The following CBLB variants were observed in gnomAD, a reference collection of about 807,000 sequenced individuals.
CBLB encodes the protein Cbl proto-oncogene B.
CBLB carries 31 observed loss-of-function variants against 104.9 expected under a neutral mutation model. The observed-to-expected ratio is 0.30, with a 90% CI of 0.22 to 0.40. The LOEUF is 0.40. CBLB is among the 10% of genes least tolerant of loss of function. The pLI is 1.00. For synonymous variants in CBLB, 440 were observed against 422.6 expected, an observed-to-expected ratio of 1.04 and a Z score of -0.51; for missense variants, 1,062 against 1,214.6, an observed-to-expected ratio of 0.87 and a Z score of 1.87.
intron 13 of CBLB, among the ~76,000 whole-genome samples, chr3:105,691,242 T>C (rs2152751265): frequency 6.6e-6 from 1 of 152,362 alleles, no homozygotes; most frequent in African/African-American, 2.4e-5. Flanking sequence ...CTGCTAACTA[T>C]GGCTGACTTG....
chr3:105,822,255 A>T (rs568757425), intron 3 of CBLB, among the ~76,000 whole-genome samples: 1 of 152,340 alleles, frequency 6.6e-6, no homozygotes, highest in Admixed American at 6.5e-5. Flanking sequence ...CAAGAGGCAT[A>T]GAAAAGCTGC....
intron 3 of CBLB, among the ~76,000 whole-genome samples, chr3:105,780,987 A>AT (rs1303848444): frequency 6.6e-6 from 1 of 152,124 alleles, no homozygotes; most frequent in African/African-American, 2.4e-5. Flanking sequence ...AATACCAAAT[A>AT]TTTTAAAATA....
chr3:105,717,134 C>T (rs1328948940), intron 10 of CBLB, among the ~76,000 whole-genome samples: 4 of 152,128 alleles, frequency 2.6e-5, no homozygotes, highest in Admixed American at 6.5e-5. Flanking sequence ...CCCAAATTCA[C>T]ATAGGGCAGA....
At position 105,767,739 on chromosome 3, in the gene CBLB, T is replaced by C. The variant is rs573198017; in HGVS notation, c.566+8657A>G. On this transcript the variant is annotated intron_variant, in intron 4 of 18. Transcript: ENST00000394030. ...GACACAGTTTTATGTGCCTTACAGGTAAGGTTTAGCTATTTTAAGCCGTCA... is the reference window on the plus strand; with the variant it reads ...GACACAGTTTTATGTGCCTTACAGGCAAGGTTTAGCTATTTTAAGCCGTCA... Among the ~76,000 whole-genome samples, 7 of 152,242 alleles carry C rather than the reference T, an allele frequency of 4.6e-5. No individual in the cohort carries two copies. The East Asian group carries it at 1.3e-3, about 29-fold the overall frequency.
At chr3:105,786,975 G>C (rs1168941764) in intron 3 of CBLB, among the ~76,000 whole-genome samples, 1 of 152,098 alleles carries the variant, frequency 6.6e-6, no homozygotes, top group African/African-American at 2.4e-5. Flanking sequence ...CAGTTCAAGA[G>C]AACACTAATT....
At chr3:105,689,030 T>A (rs553952974) in intron 13 of CBLB, among the ~76,000 whole-genome samples, 9 of 152,148 alleles carry the variant, frequency 5.9e-5, no homozygotes, top group Middle Eastern at 3.4e-3. Flanking sequence ...TTCAGAGAGG[T>A]CTTTCCTAAT....
chr3:105,666,854 G>T (rs1409909478), intron 18 of CBLB, among the ~76,000 whole-genome samples: 1 of 152,142 alleles, frequency 6.6e-6, no homozygotes, highest in African/African-American at 2.4e-5. Context: ...GAAGCTGTCT[G>T]TAAGCCCCAG....
intron 3 of CBLB, among the ~76,000 whole-genome samples, chr3:105,822,732 A>G (rs1313707543): frequency 6.6e-6 from 1 of 152,210 alleles, no homozygotes; most frequent in Non-Finnish European, 1.5e-5. Flanking sequence ...TTTAAAAGCT[A>G]CATTTAATTA....
intron 4 of CBLB, among the ~76,000 whole-genome samples, chr3:105,767,077 T>TA (rs1398184295): frequency 6.6e-6 from 1 of 152,192 alleles, no homozygotes; most frequent in African/African-American, 2.4e-5. Context: ...GACATAAAGA[T>TA]ACCTGAAATT....
intron 3 of CBLB, among the ~76,000 whole-genome samples, chr3:105,789,285 A>C (rs757181366): frequency 1.3e-5 from 2 of 152,198 alleles, no homozygotes; most frequent in Non-Finnish European, 2.9e-5. Context: ...TGAGAATAGA[A>C]ATGAGTGATG....
intron 9 of CBLB, among the ~76,000 whole-genome samples, chr3:105,731,460 C>A (rs1184543450): frequency 6.6e-6 from 1 of 152,002 alleles, no homozygotes; most frequent in African/African-American, 2.4e-5. Context: ...AATGTACTGA[C>A]AATGTGAAGT....
At chr3:105,783,932 A>AT (rs2080630433) in intron 3 of CBLB, among the ~76,000 whole-genome samples, 1 of 152,188 alleles carries the variant, frequency 6.6e-6, no homozygotes, top group Non-Finnish European at 1.5e-5. Context: ...ATCTCAATAT[A>AT]TTCAATAAAG....
rs1000288519 is a variant in CBLB at position 105,726,709 on chromosome 3, C to A, written c.1204-6459G>T. On this transcript the variant is annotated intron_variant, in intron 9 of 18. Coordinates refer to ENST00000394030, the MANE Select transcript of CBLB (RefSeq NM_170662.5). ...CTAAAGCTATCCCTCCCCTTGCCCC[C>A]CAGCCGCTGACAGACCCTGGTGTGT... is the stretch of plus-strand genomic sequence containing the variant. 3.3e-5 allele frequency among the ~76,000 whole-genome samples: 5 copies of A among 152,254 alleles called. No individual in the cohort carries two copies. In the East Asian group the frequency reaches 9.7e-4, roughly 29 times the overall value.
At chr3:105,740,368 A>G in intron 7 of CBLB, 126 bp downstream of exon 7, 1 of 915,736 alleles carries the variant, frequency 1.1e-6, no homozygotes. Flanking sequence ...AAACTAAGGA[A>G]CATCCATTAT....
At chr3:105,748,023 A>G (rs1294526502) in intron 5 of CBLB, among the ~76,000 whole-genome samples, 1 of 152,198 alleles carries the variant, frequency 6.6e-6, no homozygotes, top group South Asian at 2.1e-4. Context: ...CCCATTCAAA[A>G]CAGAAACATG....
At position 105,670,327 on chromosome 3, in the gene CBLB, G is replaced by C. The variant is rs1161148148; in HGVS notation, c.2595C>G (p.Gly865=). 1 of 1,611,000 alleles carries C rather than the reference G, an allele frequency of 6.2e-7. No individual in the cohort carries two copies. The highest frequency in any genetic ancestry group is 1.7e-5 in the Admixed American group (1 of 59,944). The change falls in exon 18 of 19, where the codon GGC becomes GGG. Residue 865 remains glycine, a synonymous_variant. Transcript: ENST00000394030. ...TTCTAGCAGGAGGCAAAGGAACTTGGCCACTTGCTAGATCAACAAAGGGAT... is the reference window on the plus strand; with the variant it reads ...TTCTAGCAGGAGGCAAAGGAACTTGCCCACTTGCTAGATCAACAAAGGGAT... ...PSDPFVDLAS[G]QVPLPPARRL...
chr3:105,760,513 TAAATA>T (rs2077514013), intron 4 of CBLB, among the ~76,000 whole-genome samples: 2 of 152,036 alleles, frequency 1.3e-5, no homozygotes, highest in Admixed American at 1.3e-4. Context: ...GAAATCAGAT[TAAATA>T]AAATAAAAAA....
chr3:105,701,515 C>T (rs1232229831), intron 12 of CBLB, among the ~76,000 whole-genome samples: 1 of 152,182 alleles, frequency 6.6e-6, no homozygotes, highest in Non-Finnish European at 1.5e-5. Context: ...GTAATCCCAG[C>T]ACTTTGGGAG....
At chr3:105,821,640 CAAGA>C (rs941632593) in intron 3 of CBLB, among the ~76,000 whole-genome samples, 1 of 152,196 alleles carries the variant, frequency 6.6e-6, no homozygotes, top group African/African-American at 2.4e-5. Flanking sequence ...TTTGAACACA[CAAGA>C]AAGTACTGCA....
Sources: allele counts gnomAD v4.1 joint callset (sites outside exome capture counted in the v4.1 genomes callset), GRCh38; gene constraint gnomAD v4.1.1; transcripts MANE v1.5; gene names NCBI Gene and HGNC (gene_info 2026-07-23, HGNC 2026-07-21).